Variants in ACAP1 observed in about 807,000 individuals in gnomAD.
The protein encoded by ACAP1 is arf-GAP with coiled-coil, ANK repeat and PH domain-containing protein 1.
ACAP1 carries 45 observed loss-of-function variants against 98.8 expected under a neutral mutation model. The ratio of observed to expected loss-of-function variants is 0.46; its 90% CI spans 0.36 to 0.58. ACAP1 has a LOEUF of 0.58. Among genes scored for constraint, ACAP1 ranks in the 20% least tolerant of loss-of-function variants. The probability of loss-of-function intolerance (pLI) is 0.00; values close to 1 mark genes in which losing one functional copy is unlikely to be tolerated. For synonymous variants in ACAP1, 362 were observed against 375.3 expected (o/e 0.96, Z 0.41); for missense variants, 735 against 971.4 (o/e 0.76, Z 3.24).
chr17:7,347,469 C>A (rs1034866663), intron 14 of ACAP1: 2 of 534,062 alleles, frequency 3.7e-6, no homozygotes, highest in Non-Finnish European at 3.3e-6. Context: ...TGGGGGATAC[C>A]CAGAATTTGT....
At chr17:7,348,036 G>C (rs1415488980) in intron 15 of ACAP1, 45 bp downstream of exon 15, 2 of 1,611,876 alleles carry the variant, frequency 1.2e-6, no homozygotes, top group South Asian at 2.2e-5. Context: ...ACTTGGGGTG[G>C]GGCAAGGACA....
At chr17:7,351,136 GCCAGGC>G in intron 21 of ACAP1, 137 bp downstream of exon 21, 1 of 1,128,830 alleles carries the variant, frequency 8.9e-7, no homozygotes, top group Non-Finnish European at 1.3e-6. Flanking sequence ...CATGCGACGT[GCCAGGC>G]CCTGGCAAGG....
rs746628819 is a variant in ACAP1, at chr17:7,343,301, T to A, written c.345-78T>A. 18 of 1,461,994 alleles carry A rather than the reference T, an allele frequency of 1.2e-5. No individual in the cohort carries two copies. Among genetic ancestry groups the A allele is most frequent in the Admixed American group, 4.0e-5 (2 of 49,432 alleles). The allele number at this position is 1,461,994 out of a possible 1,614,324, so 90.6% of individuals were successfully genotyped here. A position where few individuals can be genotyped will look rare whatever the true frequency, so the allele number is the denominator to read the frequency against. Reference sequence around the variant, plus strand: ...GTTGCAGAGACTAACTGAAAGGACATGAGGGCTTTACCCTGGGAATGCTCT... The same window carrying A: ...GTTGCAGAGACTAACTGAAAGGACAAGAGGGCTTTACCCTGGGAATGCTCT... On this transcript the variant is annotated intron_variant, in intron 5 of 21. Transcript: ENST00000158762. The surrounding 1 kb of genome is among the most constrained non-coding windows in gnomAD (Gnocchi z 4.9).
rs776642228 is a variant in ACAP1, at chr17:7,348,411, G to T, written c.1614G>T (p.Gly538=). ...GAGGTGGCCGGGGGCGCCCAAGGGG[G>T]CAGCCTCCTGTGCCCCCAAAGCCTT... The part of the protein sequence containing the change: ...GRRGGRGRPR[G]QPPVPPKPSI... Residue 538 remains glycine, a synonymous_variant, in exon 17 of 22, where the codon GGG becomes GGT. Transcript: ENST00000158762. 2 of 1,535,488 alleles carry T rather than the reference G, an allele frequency of 1.3e-6. No homozygotes were observed. The highest frequency in any genetic ancestry group is 2.1e-5 in the Admixed American group (1 of 46,776).
Position 7,346,791 on chromosome 17 carries a change from C to T in ACAP1, c.1008-17C>T, listed in dbSNP as rs749410108. ...GGCCTCAGACCCCTCTGCCATCTCC[C>T]TCACCCTCCTACCTAGGTCCTGCCT... On this transcript the variant is annotated splice_polypyrimidine_tract_variant and intron_variant, in intron 12 of 21. Coordinates refer to ENST00000158762, the MANE Select transcript of ACAP1 (RefSeq NM_014716.4). 6.2e-7 allele frequency: 1 copy of T among 1,606,950 alleles called. No individual in the cohort carries two copies. Among genetic ancestry groups the T allele is most frequent in the Non-Finnish European group, 8.5e-7 (1 of 1,175,330 alleles).
Position 7,336,529 on chromosome 17 carries a change from A to C in ACAP1, c.-206A>C. 1.7e-5 allele frequency: 9 copies of C among 518,038 alleles called. No individual in the cohort carries two copies. Among genetic ancestry groups the C allele is most frequent in the East Asian group, 3.4e-5 (1 of 29,074 alleles). 32.1% of individuals were successfully genotyped at this position (518,038 alleles called of 1,614,324 possible). On this transcript the variant is annotated 5_prime_UTR_variant, in exon 1 of 22. Coordinates refer to ENST00000158762, the MANE Select transcript of ACAP1 (RefSeq NM_014716.4). Reference sequence around the variant, plus strand: ...CCCAGGCCCCGCCCCTGCCCCTCCCAGCACTGCCTGGAAGTGTGGGGTGAG... The same window carrying C: ...CCCAGGCCCCGCCCCTGCCCCTCCCCGCACTGCCTGGAAGTGTGGGGTGAG...
rs559346301 is a variant in ACAP1 at position 7,346,941 on chromosome 17, C to A, written c.1131+10C>A. 1.9e-6 allele frequency: 3 copies of A among 1,606,940 alleles called. No homozygotes were observed. The South Asian group carries it at 3.3e-5, about 18-fold the overall frequency. On this transcript the variant is annotated intron_variant, in intron 13 of 21. Coordinates refer to ENST00000158762, the MANE Select transcript of ACAP1 (RefSeq NM_014716.4). Reference sequence around the variant, plus strand: ...CCGGGGTCCAGGCCAGGTACCTTAACCTGGGGGTGCGGAGCCAGGCTGCCT... The same window carrying A: ...CCGGGGTCCAGGCCAGGTACCTTAAACTGGGGGTGCGGAGCCAGGCTGCCT...
chr17:7,343,691 CT>C lies in ACAP1; in HGVS notation c.529-11del. On this transcript the variant is annotated splice_polypyrimidine_tract_variant and intron_variant, in intron 6 of 21. Transcript: ENST00000158762. This position sits in a 1 kb window ranked among gnomAD's most constrained non-coding sequence, Gnocchi z 4.9. ...ACTGATCTGGGGTTTTTTACGTCCT[CT>C]TTTACGTCCTCAGATCAACGTGATT... 2 of 1,612,980 alleles carry C rather than the reference CT, an allele frequency of 1.2e-6. No individual in the cohort carries two copies. Among genetic ancestry groups the C allele is most frequent in the African/African-American group, 2.7e-5 (2 of 75,014 alleles).
Position 7,350,737 on chromosome 17 carries a change from A to G in ACAP1, c.2073-213A>G, listed in dbSNP as rs1597656522. ...GATTCTCCTGTCTCAGCCTCCCCTG[A>G]GTAGCTGGGACTACAGGCGTGCGCC... On this transcript the variant is annotated intron_variant, in intron 20 of 21. Transcript: ENST00000158762. This position sits in a 1 kb window ranked among gnomAD's most constrained non-coding sequence, Gnocchi z 4.6. 7.7e-6 allele frequency: 4 copies of G among 520,714 alleles called. No homozygotes were observed. The East Asian group carries it at 1.4e-4, about 19-fold the overall frequency. 32.3% of individuals were successfully genotyped at this position (520,714 alleles called of 1,614,324 possible). A position where few individuals can be genotyped will look rare whatever the true frequency, so the allele number is the denominator to read the frequency against.
chr17:7,349,734 C>A (rs757620128), intron 18 of ACAP1: 21 of 490,206 alleles, frequency 4.3e-5, no homozygotes, highest in Middle Eastern at 1.0e-3. Flanking sequence ...TAGTAACATA[C>A]CTCAAAAGCT....
At chr17:7,338,059 T>TA (rs2073238911) in intron 2 of ACAP1, among the ~76,000 whole-genome samples, 1 of 152,070 alleles carries the variant, frequency 6.6e-6, no homozygotes, top group Non-Finnish European at 1.5e-5. Flanking sequence ...TTCACACAAA[T>TA]ACACACTCAA....
In ACAP1 at chr17:7,350,149, C is replaced by T; in HGVS notation, c.1984C>T (p.Arg662Trp). ...CAGGCTCGCCTGCCTGTTCCTGAAA[C>T]GGGGAGCTGATCTGGGGGCTCGAGA... ...HTGLACLFLKRGADLGARDSE... is the reference protein window; with the variant it reads ...HTGLACLFLKWGADLGARDSE... Residue 662 changes from arginine to tryptophan, a missense_variant, in exon 20 of 22, where the codon CGG becomes TGG. Transcript: ENST00000158762. The surrounding 1 kb of genome is among the most constrained non-coding windows in gnomAD (Gnocchi z 4.6). The T allele has an allele frequency of 1.2e-6, 2 of 1,614,168 alleles. No homozygotes were observed. Among genetic ancestry groups the T allele is most frequent in the Non-Finnish European group, 1.7e-6 (2 of 1,180,018 alleles).
Position 7,350,020 on chromosome 17 carries a change from C to G in ACAP1, c.1927C>G (p.Pro643Ala), listed in dbSNP as rs2073387300. The G allele has an allele frequency of 2.5e-6, 4 of 1,613,572 alleles. No individual in the cohort carries two copies. Among genetic ancestry groups the G allele is most frequent in the Non-Finnish European group, 3.4e-6 (4 of 1,179,536 alleles). The change falls in exon 19 of 22, where the codon CCG becomes GCG. Residue 643 changes from proline (P) to alanine (A), a missense_variant. Pro to Ala is a conservative substitution (Grantham distance 27). This residue lies in a region of ACAP1 where 142 missense variants were observed against 224.1 expected (regional missense o/e 0.63). Coordinates refer to ENST00000158762, the MANE Select transcript of ACAP1 (RefSeq NM_014716.4). This position sits in a 1 kb window ranked among gnomAD's most constrained non-coding sequence, Gnocchi z 4.6. ...VNQADSAGRG[P>A]LHHATILGHT... ...CCAAGCGGACAGTGCGGGCCGGGGC[C>G]CGCTGCACCACGCAACCATTCTTGG...
At chr17:7,340,730 CA>C (rs1400155334) in intron 2 of ACAP1, among the ~76,000 whole-genome samples, 1 of 152,198 alleles carries the variant, frequency 6.6e-6, no homozygotes, top group African/African-American at 2.4e-5. Context: ...CCTGTAATCC[CA>C]GCTACTCTGG....
intron 17 of ACAP1, chr17:7,348,731 G>GCGTC (rs1351966863): frequency 1.7e-6 from 1 of 584,112 alleles, no homozygotes; most frequent in African/African-American, 1.9e-5. Context: ...TTTGGCTGGA[G>GCGTC]CGTCAGGGGT....
chr17:7,349,805 C>T, intron 18 of ACAP1, 140 bp from the exon 19 acceptor site: 2 of 675,272 alleles, frequency 3.0e-6, no homozygotes, highest in Non-Finnish European at 5.2e-6. Context: ...AGCTTGGTTA[C>T]AGTTAGCTGT....
At chr17:7,342,497 G>T (rs1368147490) in intron 5 of ACAP1, 23 bp downstream of exon 5, 1 of 1,613,124 alleles carries the variant, frequency 6.2e-7, no homozygotes, top group Non-Finnish European at 8.5e-7. Context: ...CGGGCGCAGT[G>T]GCTCATGCCT....
At chr17:7,341,389 G>A (rs1318143542) in intron 2 of ACAP1, among the ~76,000 whole-genome samples, 1 of 152,190 alleles carries the variant, frequency 6.6e-6, no homozygotes, top group Non-Finnish European at 1.5e-5. Flanking sequence ...TTACAGGCAT[G>A]TGCCACCATG....
rs578120598 is a variant in ACAP1, at chr17:7,343,382, T to G, written c.348T>G (p.Gly116=). ...TGTGTTATTTTCCCATCCTCAGAGG[T>G]CTGCGGGGTTTCCGAGAGGCTCGCC... ...QQQIQTLVKE[G]LRGFREARRD... Residue 116 remains glycine (G), a synonymous_variant, in exon 6 of 22, where the codon GGT becomes GGG. Coordinates refer to ENST00000158762, the MANE Select transcript of ACAP1 (RefSeq NM_014716.4). The surrounding 1 kb of genome is among the most constrained non-coding windows in gnomAD (Gnocchi z 4.9). 2 of 1,612,154 alleles carry G rather than the reference T, an allele frequency of 1.2e-6. No individual in the cohort carries two copies. Among genetic ancestry groups the G allele is most frequent in the Admixed American group, 1.7e-5 (1 of 59,834 alleles).
Sources: allele counts gnomAD v4.1 joint callset (sites outside exome capture counted in the v4.1 genomes callset), GRCh38; gene constraint gnomAD v4.1.1; regional missense constraint gnomAD v4.1.1; non-coding constraint Gnocchi (gnomAD v3.1); transcripts MANE v1.5; gene names NCBI Gene and HGNC (gene_info 2026-07-23, HGNC 2026-07-21).